Variants in IL16 observed in about 807,000 individuals in gnomAD.
IL16 encodes interleukin 16, also known as pro-interleukin-16.
Under a neutral mutation model 110.1 loss-of-function variants are expected in IL16, and 67 were observed. The ratio of observed to expected loss-of-function variants is 0.61; its 90% CI spans 0.50 to 0.75. IL16 has a LOEUF of 0.75. IL16 is among the 30% of genes least tolerant of loss of function. The pLI is 0.00. For missense variants in IL16, 1,545 were observed against 1,655.0 expected (o/e 0.93, Z 1.15); for synonymous variants, 689 against 662.9 (o/e 1.04, Z -0.61).
intron 1 of IL16, among the ~76,000 whole-genome samples, chr15:81,198,297 A>G (rs1467252992): frequency 6.6e-6 from 1 of 152,162 alleles, no homozygotes; most frequent in East Asian, 1.9e-4. Flanking sequence ...AACAACCTGG[A>G]GCTTAGGGAG....
intron 2 of IL16, among the ~76,000 whole-genome samples, chr15:81,257,169 C>T (rs1400420018): frequency 1.3e-5 from 2 of 152,172 alleles, no homozygotes; most frequent in Non-Finnish European, 2.9e-5. Context: ...TAATATAGCA[C>T]CATCTGCTGC....
intron 4 of IL16, among the ~76,000 whole-genome samples, chr15:81,267,860 C>G (rs1187087051): frequency 6.6e-6 from 1 of 152,218 alleles, no homozygotes; most frequent in East Asian, 1.9e-4. Flanking sequence ...GGCTCACCTG[C>G]ATCAGGGCAG....
At chr15:81,216,585 G>A (rs550320577) in intron 1 of IL16, among the ~76,000 whole-genome samples, 4 of 152,132 alleles carry the variant, frequency 2.6e-5, no homozygotes, top group South Asian at 2.1e-4. Flanking sequence ...TCTTGTTTCC[G>A]CCTCCTGCTG....
At chr15:81,247,177 CT>C (rs57035292) in intron 2 of IL16, among the ~76,000 whole-genome samples, 8,127 of 149,968 alleles carry the variant, frequency 0.054, 809 homozygotes, top group African/African-American at 0.19. Context: ...GTCAACTCCC[CT>C]ATTATACGTG....
At chr15:81,230,432 TTCTC>T (rs1358764735) in intron 2 of IL16, among the ~76,000 whole-genome samples, 1 of 152,232 alleles carries the variant, frequency 6.6e-6, no homozygotes, top group African/African-American at 2.4e-5. Context: ...CCTTATTTCT[TTCTC>T]TTTCTTCAGA....
intron 2 of IL16, among the ~76,000 whole-genome samples, chr15:81,247,343 A>G (rs921345296): frequency 6.6e-5 from 10 of 151,806 alleles, no homozygotes; most frequent in Non-Finnish European, 1.3e-4. Flanking sequence ...GCATTCCACA[A>G]GATTTAATAT....
intron 6 of IL16, among the ~76,000 whole-genome samples, chr15:81,278,317 A>C (rs1011126466): frequency 6.6e-6 from 1 of 152,206 alleles, no homozygotes; most frequent in Non-Finnish European, 1.5e-5. Context: ...CAAGTGCAGT[A>C]GGTACAGTGT....
intron 1 of IL16, among the ~76,000 whole-genome samples, chr15:81,212,107 C>CTG (rs1896269389): frequency 6.6e-6 from 1 of 151,048 alleles, no homozygotes; most frequent in South Asian, 2.1e-4. Flanking sequence ...CAGAATTTGG[C>CTG]TGTGAATCCA....
Position 81,271,278 on chromosome 15 carries a change from TAAATA to T in IL16, c.675+1642_675+1646del, listed in dbSNP as rs1291914839. On this transcript the variant is annotated intron_variant, in intron 5 of 18. Coordinates refer to ENST00000683961, the MANE Select transcript of IL16 (RefSeq NM_172217.5). ...CAAAAATAAATAAAATAAAATAAAT[TAAATA>T]AAATAAAATAATAAAATAAATAAAT... 1.8e-3 allele frequency among the ~76,000 whole-genome samples: 263 copies of T among 144,916 alleles called. 1 individual carries two copies. Among genetic ancestry groups the T allele is most frequent in the Non-Finnish European group, 2.7e-3 (182 of 67,550 alleles).
At position 81,225,717 on chromosome 15, in the gene IL16, C is replaced by A. The variant is rs533885775; in HGVS notation, c.312+6C>A. On this transcript the variant is annotated splice_donor_region_variant and intron_variant, in intron 2 of 18. Transcript: ENST00000683961. ...GGAGGATATTCTTCATGAAGGTATG[C>A]CCAGGCTTTGCAGGCCTGAACTAGC... The A allele has an allele frequency of 3.9e-5, 62 of 1,592,468 alleles. No individual in the cohort carries two copies. Among genetic ancestry groups the A allele is most frequent in the Admixed American group, 8.5e-5 (5 of 58,544 alleles).
intron 2 of IL16, among the ~76,000 whole-genome samples, chr15:81,255,604 G>A (rs915217407): frequency 1.3e-5 from 2 of 152,212 alleles, no homozygotes; most frequent in African/African-American, 2.4e-5. Context: ...GTTCCCAGGT[G>A]CCATGGAAAG....
intron 1 of IL16, among the ~76,000 whole-genome samples, chr15:81,215,375 G>A (rs955320436): frequency 4.6e-5 from 7 of 152,346 alleles, no homozygotes; most frequent in Admixed American, 1.3e-4. Flanking sequence ...TTTCACAGAT[G>A]CATATATTAG....
At chr15:81,213,014 G>A (rs1403167881) in intron 1 of IL16, among the ~76,000 whole-genome samples, 1 of 152,028 alleles carries the variant, frequency 6.6e-6, no homozygotes, top group African/African-American at 2.4e-5. Context: ...CTCGATGAAG[G>A]TGTTTAGGGC....
intron 5 of IL16, among the ~76,000 whole-genome samples, chr15:81,271,387 T>C (rs994820426): frequency 6.6e-6 from 1 of 152,150 alleles, no homozygotes; most frequent in Non-Finnish European, 1.5e-5. Flanking sequence ...GTGGGAGGAT[T>C]GCTTGAGTCC....
Position 81,292,871 on chromosome 15 carries a change from T to C in IL16, c.1736T>C (p.Leu579Pro). The C allele has an allele frequency of 6.2e-7, 1 of 1,614,162 alleles. No homozygotes were observed. The highest frequency in any genetic ancestry group is 8.5e-7 in the Non-Finnish European group (1 of 1,179,996). Reference protein sequence around the residue: ...LPESRDSHPPLRLKKSFEILV... With the variant: ...LPESRDSHPPPRLKKSFEILV... ...GAGAGCCGGGACAGCCACCCGCCGCTGAGACTGAAGAAATCCTTTGAGATT... is the reference window on the plus strand; with the variant it reads ...GAGAGCCGGGACAGCCACCCGCCGCCGAGACTGAAGAAATCCTTTGAGATT... Residue 579 changes from leucine to proline, a missense_variant, in exon 12 of 19, where the codon CTG (leucine) becomes CCG (proline). Around this residue, in one of 3 missense-constraint regions of IL16, gnomAD observed 1,185 missense variants for 1,238.8 expected, o/e 0.96. Coordinates refer to ENST00000683961, the MANE Select transcript of IL16 (RefSeq NM_172217.5).
chr15:81,231,319 G>GGTCT (rs1432210606), intron 2 of IL16, among the ~76,000 whole-genome samples: 8 of 41,710 alleles, frequency 1.9e-4, no homozygotes, highest in African/African-American at 5.2e-4. Context: ...ACCCAAGGTC[G>GGTCT]GTCTGTCTCT....
intron 2 of IL16, among the ~76,000 whole-genome samples, chr15:81,253,663 C>T (rs1483010727): frequency 2.0e-5 from 3 of 152,196 alleles, no homozygotes; most frequent in African/African-American, 7.2e-5. Flanking sequence ...AGTCCAGCTT[C>T]ACTCTTTTGC....
At chr15:81,268,606 A>AG (rs1421443733) in intron 4 of IL16, among the ~76,000 whole-genome samples, 1 of 152,280 alleles carries the variant, frequency 6.6e-6, no homozygotes, top group African/African-American at 2.4e-5. Context: ...GAGAGCAGGG[A>AG]GCAAGCAGCT....
intron 1 of IL16, among the ~76,000 whole-genome samples, chr15:81,207,662 T>A (rs991140856): frequency 6.6e-6 from 1 of 152,202 alleles, no homozygotes. Flanking sequence ...GAATTATGTG[T>A]GGTCTCTAGC....
Sources: gnomAD v4.1 joint callset for allele counts (sites outside exome capture counted in the v4.1 genomes callset) on GRCh38, gnomAD v4.1.1 for gene constraint, gnomAD v4.1.1 regional missense constraint, MANE v1.5 for transcripts, NCBI Gene and HGNC (gene_info 2026-07-23, HGNC 2026-07-21) for gene names.